HS3ST5: variants seen among roughly 807,000 people sequenced by gnomAD.
HS3ST5 encodes the protein heparan sulfate-glucosamine 3-sulfotransferase 5.
Under a neutral mutation model 25.4 loss-of-function variants are expected in HS3ST5, and 10 were observed. That is an observed-to-expected ratio of 0.39 (90% CI 0.24 to 0.67). The LOEUF is 0.67. Ranked by LOEUF, HS3ST5 falls within the 30% of genes least tolerant of loss-of-function variation. The pLI is 0.44. For missense variants in HS3ST5, 324 were observed against 420.7 expected (o/e 0.77, Z 2.01); for synonymous variants, 170 against 162.4 (o/e 1.05, Z -0.36).
intron 2 of HS3ST5, among the ~76,000 whole-genome samples, chr6:114,204,333 T>G (rs1372689656): frequency 6.6e-6 from 1 of 152,182 alleles, no homozygotes; most frequent in Non-Finnish European, 1.5e-5. Flanking sequence ...TATCAGTTTC[T>G]AGGTCCCAAC....
At chr6:114,329,083 A>G (rs1776288173) in intron 1 of HS3ST5, among the ~76,000 whole-genome samples, 3 of 152,242 alleles carry the variant, frequency 2.0e-5, no homozygotes, top group South Asian at 4.1e-4. Flanking sequence ...TAAATCTATA[A>G]GAAAAGCACC....
chr6:114,295,016 T>G (rs1774754500), intron 1 of HS3ST5, among the ~76,000 whole-genome samples: 1 of 152,194 alleles, frequency 6.6e-6, no homozygotes, highest in South Asian at 2.1e-4. Context: ...GTAATAATGG[T>G]GAACACATAA....
At chr6:114,313,025 GAAAAAAAAAA>G (rs5879258) in intron 1 of HS3ST5, among the ~76,000 whole-genome samples, 127 of 16,124 alleles carry the variant, frequency 7.9e-3, no homozygotes, top group African/African-American at 0.019. Context: ...CCCTGCATCA[GAAAAAAAAAA>G]AAAAAAAAAA....
At chr6:114,190,741 T>C (rs1222709350) in intron 2 of HS3ST5, among the ~76,000 whole-genome samples, 1 of 152,208 alleles carries the variant, frequency 6.6e-6, no homozygotes. Context: ...AATATTAAGA[T>C]ATTACATATT....
chr6:114,335,813 C>T, intron 1 of HS3ST5, among the ~76,000 whole-genome samples: 1 of 152,004 alleles, frequency 6.6e-6, no homozygotes, highest in East Asian at 1.9e-4. Context: ...ACCACCATGC[C>T]CAGCTAATTT....
intron 3 of HS3ST5, among the ~76,000 whole-genome samples, chr6:114,127,933 A>C (rs1777132161): frequency 1.3e-5 from 2 of 150,418 alleles, no homozygotes; most frequent in Admixed American, 6.6e-5. Flanking sequence ...TATATGGAGA[A>C]ATTTATATAT....
At chr6:114,258,832 G>C (rs759870431) in intron 1 of HS3ST5, among the ~76,000 whole-genome samples, 8 of 152,054 alleles carry the variant, frequency 5.3e-5, no homozygotes, top group African/African-American at 1.9e-4. Flanking sequence ...AAGGCTCTTT[G>C]TTTCCAACTG....
chr6:114,170,830 G>A (rs1354384558), intron 2 of HS3ST5, among the ~76,000 whole-genome samples: 2 of 152,076 alleles, frequency 1.3e-5, no homozygotes, highest in African/African-American at 2.4e-5. Flanking sequence ...TATTTTAAAT[G>A]CTTATATTTA....
At chr6:114,100,218 C>G (rs1340561410) in intron 3 of HS3ST5, among the ~76,000 whole-genome samples, 1 of 147,182 alleles carries the variant, frequency 6.8e-6, no homozygotes, top group Non-Finnish European at 1.5e-5. Context: ...GAGCTCACAC[C>G]CTTCCCCACA....
intron 3 of HS3ST5, among the ~76,000 whole-genome samples, chr6:114,152,024 G>A (rs539030724): frequency 7.9e-5 from 12 of 152,048 alleles, no homozygotes; most frequent in East Asian, 7.8e-4. Context: ...TCTGCCTCCC[G>A]GCTTCAAGCG....
chr6:114,153,501 T>C (rs1277162801), intron 3 of HS3ST5, among the ~76,000 whole-genome samples: 1 of 152,210 alleles, frequency 6.6e-6, no homozygotes, highest in East Asian at 1.9e-4. Context: ...TTCATGCTCA[T>C]CTTCGTATTC....
intron 1 of HS3ST5, among the ~76,000 whole-genome samples, chr6:114,305,384 T>C (rs1437607906): frequency 6.6e-6 from 1 of 152,116 alleles, no homozygotes; most frequent in East Asian, 1.9e-4. Context: ...AGTGACAGAC[T>C]CACTATGTTA....
At chr6:114,311,238 C>A (rs1271371231) in intron 1 of HS3ST5, among the ~76,000 whole-genome samples, 1 of 150,316 alleles carries the variant, frequency 6.7e-6, no homozygotes, top group Non-Finnish European at 1.5e-5. Flanking sequence ...TGCTATTCGA[C>A]CTTCATTTAC....
intron 3 of HS3ST5, among the ~76,000 whole-genome samples, chr6:114,097,807 C>T (rs994620820): frequency 2.6e-5 from 4 of 151,928 alleles, no homozygotes; most frequent in Admixed American, 6.6e-5. Context: ...TTTCCCATCT[C>T]AGCCTATTAA....
chr6:114,132,143 A>G (rs1318313262), intron 3 of HS3ST5: 1 of 152,204 alleles, frequency 6.6e-6, no homozygotes, highest in Non-Finnish European at 1.5e-5. Context: ...AATGAGAAAG[A>G]TAAGTATTGT....
At chr6:114,124,013 G>T (rs2114885140) in intron 3 of HS3ST5, among the ~76,000 whole-genome samples, 1 of 152,240 alleles carries the variant, frequency 6.6e-6, no homozygotes, top group South Asian at 2.1e-4. Flanking sequence ...TGAGGTCAAA[G>T]CTGGCAGTGC....
At chr6:114,145,763 C>G (rs1318446062) in intron 3 of HS3ST5, among the ~76,000 whole-genome samples, 1 of 152,168 alleles carries the variant, frequency 6.6e-6, no homozygotes, top group Non-Finnish European at 1.5e-5. Context: ...CTGTGGGAAG[C>G]AGGGGCCTTC....
At chr6:114,294,252 A>G (rs1286088424) in intron 1 of HS3ST5, among the ~76,000 whole-genome samples, 1 of 152,150 alleles carries the variant, frequency 6.6e-6, no homozygotes, top group African/African-American at 2.4e-5. Context: ...GTGTTCACCA[A>G]CACCACAATG....
intron 3 of HS3ST5, among the ~76,000 whole-genome samples, chr6:114,135,598 C>T (rs1392932897): frequency 6.6e-6 from 1 of 152,198 alleles, no homozygotes; most frequent in East Asian, 1.9e-4. Context: ...ATGTCACCAT[C>T]CTCCCTCTCC....
Sources: gnomAD v4.1 joint callset for allele counts (sites outside exome capture counted in the v4.1 genomes callset) on GRCh38, gnomAD v4.1.1 for gene constraint, MANE v1.5 for transcripts, NCBI Gene and HGNC (gene_info 2026-07-23, HGNC 2026-07-21) for gene names.